Variants in PEAK1 observed in about 807,000 individuals in gnomAD.
PEAK1 encodes the protein inactive tyrosine-protein kinase PEAK1.
A neutral mutation model predicts 124.7 loss-of-function variants in PEAK1; 54 were observed. The ratio of observed to expected loss-of-function variants is 0.43; its 90% CI spans 0.35 to 0.54. PEAK1 has a LOEUF of 0.54. Among genes scored for constraint, PEAK1 ranks in the 20% least tolerant of loss-of-function variants. The pLI is 0.01. For missense variants in PEAK1, 2,046 were observed against 2,134.5 expected (o/e 0.96, Z 0.82); for synonymous variants, 719 against 760.0 (o/e 0.95, Z 0.89).
chr15:77,176,535 T>C (rs575572357), intron 7 of PEAK1, among the ~76,000 whole-genome samples: 3 of 152,292 alleles, frequency 2.0e-5, no homozygotes, highest in Admixed American at 1.3e-4. Context: ...GCAATCTGTG[T>C]CTTAACAGCT....
intron 7 of PEAK1, among the ~76,000 whole-genome samples, chr15:77,172,504 T>C (rs189082721): frequency 6.6e-6 from 1 of 152,270 alleles, no homozygotes; most frequent in East Asian, 1.9e-4. Flanking sequence ...TTTTGTTCAT[T>C]CTTAAGAAAA....
At chr15:77,191,886 A>G (rs112917107) in intron 6 of PEAK1, among the ~76,000 whole-genome samples, 1 of 152,262 alleles carries the variant, frequency 6.6e-6, no homozygotes, top group African/African-American at 2.4e-5. Flanking sequence ...ATTTTTATCA[A>G]CCAGTGGGAT....
chr15:77,242,413 G>T (rs888380979), intron 6 of PEAK1, among the ~76,000 whole-genome samples: 1 of 151,994 alleles, frequency 6.6e-6, no homozygotes, highest in Non-Finnish European at 1.5e-5. Flanking sequence ...TTAAATTACT[G>T]TATCATTTAT....
rs770946174 is a variant in PEAK1, at chr15:77,114,283, T to C, written c.5114A>G (p.Lys1705Arg). 5 of 1,614,210 alleles carry C rather than the reference T, an allele frequency of 3.1e-6. No homozygotes were observed. In the South Asian group the frequency reaches 4.4e-5, roughly 14 times the overall value. The change falls in exon 10 of 10, where the codon AAG (lysine) becomes AGG (arginine). Residue 1705 changes from lysine (K) to arginine (R), a missense_variant. Lys to Arg is a conservative substitution (Grantham distance 26). Coordinates refer to ENST00000682557, the MANE Select transcript of PEAK1 (RefSeq NM_001385026.1). ...CCTGTCCAGGGACTTCTCAGCAAAC[T>C]TGATCATGAGCAGTGTTCGCTTGAT... ...LDIKRTLLMI[K>R]FAEKSLDREG...
At chr15:77,318,248 C>T (rs1567251364) in intron 2 of PEAK1, among the ~76,000 whole-genome samples, 2 of 152,160 alleles carry the variant, frequency 1.3e-5, no homozygotes, top group Non-Finnish European at 1.5e-5. Flanking sequence ...GTCGATTTTA[C>T]GGTTTTGCTA....
At chr15:77,203,500 G>C (rs1006324210) in intron 6 of PEAK1, among the ~76,000 whole-genome samples, 1 of 152,072 alleles carries the variant, frequency 6.6e-6, no homozygotes, top group African/African-American at 2.4e-5. Context: ...AAAATTGGAG[G>C]ACTGACATTA....
chr15:77,163,873 C>A (rs940010359), intron 7 of PEAK1, among the ~76,000 whole-genome samples: 1 of 152,118 alleles, frequency 6.6e-6, no homozygotes, highest in East Asian at 1.9e-4. Context: ...CTCCTTTTAC[C>A]CCGAAAAATC....
At chr15:77,248,193 G>A (rs761586846) in intron 6 of PEAK1, among the ~76,000 whole-genome samples, 12 of 151,904 alleles carry the variant, frequency 7.9e-5, no homozygotes, top group Non-Finnish European at 1.6e-4. Flanking sequence ...CACTGCACCT[G>A]GCCAATCTAT....
intron 8 of PEAK1, chr15:77,155,608 T>C (rs2055057975): frequency 6.6e-6 from 1 of 152,186 alleles, no homozygotes; most frequent in Admixed American, 6.5e-5. Context: ...TCCCCATCTT[T>C]GTGGTTTTAT....
intron 8 of PEAK1, among the ~76,000 whole-genome samples, chr15:77,148,667 A>G (rs531056891): frequency 6.6e-6 from 1 of 152,210 alleles, no homozygotes; most frequent in South Asian, 2.1e-4. Flanking sequence ...TTGTAATCCC[A>G]GTGCTTTGGG....
At chr15:77,290,044 C>T (rs1207291559) in intron 2 of PEAK1, among the ~76,000 whole-genome samples, 5 of 152,016 alleles carry the variant, frequency 3.3e-5, no homozygotes, top group South Asian at 2.1e-4. Flanking sequence ...TTCAGCTCAC[C>T]GCAACCTCTG....
chr15:77,217,679 G>A (rs555752850), intron 6 of PEAK1, among the ~76,000 whole-genome samples: 15 of 152,226 alleles, frequency 9.9e-5, no homozygotes, highest in East Asian at 1.9e-4. Context: ...AAAATATACC[G>A]CATTGATGTG....
chr15:77,256,578 C>T (rs1169579793), intron 5 of PEAK1, among the ~76,000 whole-genome samples: 3 of 151,606 alleles, frequency 2.0e-5, no homozygotes, highest in Non-Finnish European at 2.9e-5. Context: ...ATAGTTTTTA[C>T]ATTTTTAAAG....
intron 2 of PEAK1, among the ~76,000 whole-genome samples, chr15:77,339,599 T>A (rs2066412810): frequency 6.6e-6 from 1 of 152,130 alleles, no homozygotes; most frequent in African/African-American, 2.4e-5. Flanking sequence ...GTGACTTAGG[T>A]TTGACAATGA....
intron 7 of PEAK1, among the ~76,000 whole-genome samples, chr15:77,166,462 A>G (rs923457812): frequency 1.3e-5 from 2 of 152,198 alleles, no homozygotes; most frequent in African/African-American, 4.8e-5. Context: ...TGGCAGGATT[A>G]TAACAGCGCT....
At chr15:77,105,351 TGTGTGTGCGCGC>T (rs1566969809), downstream of PEAK1, 1 of 115,664 alleles carries the variant, frequency 8.6e-6, no homozygotes, top group Non-Finnish European at 1.9e-5. Context: ...TGTGTGTGTG[TGTGTGTGCGCGC>T]GTGCGCGCAC....
chr15:77,306,185 T>C (rs2064092702), intron 2 of PEAK1, among the ~76,000 whole-genome samples: 1 of 152,190 alleles, frequency 6.6e-6, no homozygotes, highest in Admixed American at 6.5e-5. Context: ...ATTTCTCTTT[T>C]CAGTCCTGAA....
chr15:77,131,337 A>G (rs903839353), intron 9 of PEAK1, among the ~76,000 whole-genome samples: 1 of 150,376 alleles, frequency 6.6e-6, no homozygotes, highest in Non-Finnish European at 1.5e-5. Context: ...TACTAAAAAT[A>G]CAAAAATTAG....
intron 5 of PEAK1, chr15:77,278,685 A>C: frequency 1.9e-6 from 1 of 520,424 alleles, no homozygotes; most frequent in Non-Finnish European, 3.8e-6. Context: ...GAAAATGGAG[A>C]TGCCAAAACA....
Sources: gnomAD v4.1 joint callset for allele counts (sites outside exome capture counted in the v4.1 genomes callset) on GRCh38, gnomAD v4.1.1 for gene constraint, MANE v1.5 for transcripts, NCBI Gene and HGNC (gene_info 2026-07-23, HGNC 2026-07-21) for gene names.